RAPGEF4: variants seen among roughly 807,000 people sequenced by gnomAD.
The protein encoded by RAPGEF4 is RAP guanine-nucleotide-exchange factor (GEF) 4.
RAPGEF4 carries 66 observed loss-of-function variants against 147.9 expected under a neutral mutation model. The ratio of observed to expected loss-of-function variants is 0.45; its 90% CI spans 0.37 to 0.55. The LOEUF (loss-of-function observed/expected upper bound fraction) is 0.55. Among genes scored for constraint, RAPGEF4 ranks in the 20% least tolerant of loss-of-function variants. The probability of loss-of-function intolerance (pLI) is 0.00; values close to 1 mark genes in which losing one functional copy is unlikely to be tolerated. For synonymous variants in RAPGEF4, 419 were observed against 442.7 expected, an observed-to-expected ratio of 0.95 and a Z score of 0.67; for missense variants, 1,071 against 1,257.3, an observed-to-expected ratio of 0.85 and a Z score of 2.24.
At chr2:172,990,468 G>A (rs180755271) in intron 14 of RAPGEF4, among the ~76,000 whole-genome samples, 1 of 152,318 alleles carries the variant, frequency 6.6e-6, no homozygotes, top group African/African-American at 2.4e-5. Flanking sequence ...CTTTGCTGAA[G>A]CTGCTTGCTA....
At chr2:173,030,310 C>G (rs568076148) in intron 26 of RAPGEF4, 56 bp downstream of exon 26, 66 of 1,344,880 alleles carry the variant, frequency 4.9e-5, no homozygotes, top group Non-Finnish European at 6.8e-5. Flanking sequence ...AAAACACAGG[C>G]TCACCAGTGA....
chr2:172,748,763 C>T (rs1695000972), intron 1 of RAPGEF4, among the ~76,000 whole-genome samples: 1 of 152,212 alleles, frequency 6.6e-6, no homozygotes, highest in African/African-American at 2.4e-5. Context: ...TCCAAAGTCT[C>T]ATCTGAGACA....
intron 24 of RAPGEF4, 28 bp downstream of exon 24, chr2:173,026,725 A>T (rs1434033044): frequency 1.2e-6 from 2 of 1,610,920 alleles, no homozygotes; most frequent in African/African-American, 2.7e-5. Context: ...ATGTGTTAGT[A>T]GCTGAGATAG....
chr2:173,014,364 G>T, intron 17 of RAPGEF4, 100 bp from the exon 18 acceptor site: 1 of 1,482,330 alleles, frequency 6.7e-7, no homozygotes, highest in Non-Finnish European at 9.3e-7. Context: ...CCATCTAAAA[G>T]CCTGGCTTTC....
At chr2:172,896,020 AAGAG>A (rs1286426629) in intron 4 of RAPGEF4, among the ~76,000 whole-genome samples, 1 of 152,208 alleles carries the variant, frequency 6.6e-6, no homozygotes, top group Non-Finnish European at 1.5e-5. Flanking sequence ...AGCAGTGAAA[AAGAG>A]AGATCATAAA....
At position 172,983,529 on chromosome 2, in the gene RAPGEF4, T is replaced by A; in HGVS notation, c.1038T>A (p.Ile346=). The change falls in exon 11 of 31, where the codon ATT becomes ATA. Residue 346 remains isoleucine (I), a synonymous_variant. Coordinates refer to ENST00000397081, the MANE Select transcript of RAPGEF4 (RefSeq NM_007023.4). ...PGQRTVDDLE[I]IYEELLHIKA... is the part of the protein sequence containing the mutation. ...AGAGGACTGTGGATGACCTAGAGATTATCTATGAGGAGCTTCTTCATATTA... is the reference window on the plus strand; with the variant it reads ...AGAGGACTGTGGATGACCTAGAGATAATCTATGAGGAGCTTCTTCATATTA... 1 of 1,613,600 alleles carries A rather than the reference T, an allele frequency of 6.2e-7. No homozygotes were observed. The highest frequency in any genetic ancestry group is 1.1e-5 in the South Asian group (1 of 91,068).
intron 27 of RAPGEF4, among the ~76,000 whole-genome samples, chr2:173,035,511 CAAA>C (rs926764976): frequency 9.2e-5 from 6 of 65,440 alleles, no homozygotes; most frequent in Admixed American, 1.7e-4. Flanking sequence ...ACTCTGTCTC[CAAA>C]AAAAAAAAAA....
In RAPGEF4 at chr2:173,018,800, G is replaced by A. The variant is rs1413114740; in HGVS notation, c.2153G>A (p.Gly718Glu). ...GLIIVKMSSGGEKVVLKPNDV... is the reference protein window; with the variant it reads ...GLIIVKMSSGEEKVVLKPNDV... ...ATCATAGTCAAGATGAGTTCCGGAG[G>A]AGGTAACAGTCTTAATTCATATTTT... is the stretch of plus-strand genomic sequence containing the variant. The change falls in exon 22 of 31, where the codon GGA (glycine) becomes GAA (glutamate). Residue 718 changes from glycine to glutamate, a missense_variant and splice_region_variant. Transcript: ENST00000397081. 2.5e-6 allele frequency: 4 copies of A among 1,613,126 alleles called. No homozygotes were observed. The highest frequency in any genetic ancestry group is 3.4e-6 in the Non-Finnish European group (4 of 1,179,750).
chr2:172,862,743 G>T (rs563592963), intron 4 of RAPGEF4, among the ~76,000 whole-genome samples: 1 of 152,208 alleles, frequency 6.6e-6, no homozygotes, highest in Admixed American at 6.5e-5. Flanking sequence ...AAGTTAGGTG[G>T]TTTGGGACAA....
At chr2:173,027,790 C>A (rs1289151785) in intron 25 of RAPGEF4, among the ~76,000 whole-genome samples, 2 of 152,174 alleles carry the variant, frequency 1.3e-5, no homozygotes, top group African/African-American at 4.8e-5. Flanking sequence ...TATTAAACAG[C>A]ACTTCATGGG....
chr2:172,928,852 G>T (rs1385601314), intron 6 of RAPGEF4, among the ~76,000 whole-genome samples: 2 of 152,134 alleles, frequency 1.3e-5, no homozygotes, highest in African/African-American at 4.8e-5. Context: ...TTTCTCTTTG[G>T]CCAACAGCTT....
chr2:172,942,089 T>G (rs1488709629), intron 6 of RAPGEF4, among the ~76,000 whole-genome samples: 1 of 151,840 alleles, frequency 6.6e-6, no homozygotes, highest in Non-Finnish European at 1.5e-5. Context: ...GTATACAATG[T>G]GGAATGATTA....
chr2:172,978,477 C>T (rs1172893409), intron 10 of RAPGEF4, among the ~76,000 whole-genome samples: 1 of 152,240 alleles, frequency 6.6e-6, no homozygotes, highest in Non-Finnish European at 1.5e-5. Context: ...TGCTCACCCT[C>T]AGTCCTCCTG....
intron 4 of RAPGEF4, among the ~76,000 whole-genome samples, chr2:172,836,652 A>G (rs1272787847): frequency 1.3e-5 from 2 of 152,248 alleles, no homozygotes; most frequent in East Asian, 3.8e-4. Context: ...ACAGGAGACC[A>G]GTCAGGCCAT....
rs779506796 is a variant in RAPGEF4 at position 172,988,673 on chromosome 2, G to A, written c.1228-20G>A. The A allele has an allele frequency of 2.5e-6, 4 of 1,603,940 alleles. No homozygotes were observed. The highest frequency in any genetic ancestry group is 2.7e-5 in the African/African-American group (2 of 74,680). On this transcript the variant is annotated intron_variant, in intron 13 of 30. Transcript: ENST00000397081. ...TCTATTTCAGGGATCTTCTTCATCTGTGTGCTCTACTCTATCCAGGGTGTG... is the reference window on the plus strand; with the variant it reads ...TCTATTTCAGGGATCTTCTTCATCTATGTGCTCTACTCTATCCAGGGTGTG...
intron 4 of RAPGEF4, among the ~76,000 whole-genome samples, chr2:172,877,951 G>C (rs754353526): frequency 3.9e-5 from 6 of 152,158 alleles, no homozygotes; most frequent in Non-Finnish European, 8.8e-5. Context: ...TAAGATGATT[G>C]CTAAGAATAG....
intron 4 of RAPGEF4, among the ~76,000 whole-genome samples, chr2:172,859,555 G>A (rs915762639): frequency 1.3e-5 from 2 of 152,132 alleles, no homozygotes; most frequent in Non-Finnish European, 2.9e-5. Flanking sequence ...AATTTTTATA[G>A]CATTTTATTC....
rs16861145 is a variant in RAPGEF4, at chr2:173,007,615, A to G, written c.1658+6271A>G. Among the ~76,000 whole-genome samples the G allele has an allele frequency of 5.0e-3, 767 of 152,330 alleles. 10 individuals carry two copies. The highest frequency in any genetic ancestry group is 0.017 in the African/African-American group (715 of 41,580). ...TTATCTCATTTCATCCTTGACAGCA[A>G]TCTTATGAAGTTTACTGATGAGGAA... On this transcript the variant is annotated intron_variant, in intron 17 of 30. Coordinates refer to ENST00000397081, the MANE Select transcript of RAPGEF4 (RefSeq NM_007023.4).
At chr2:172,752,123 G>A (rs1157627375) in intron 1 of RAPGEF4, among the ~76,000 whole-genome samples, 1 of 8,940 alleles carries the variant, frequency 1.1e-4, no homozygotes, top group Non-Finnish European at 1.4e-3. Context: ...TTTGATCATG[G>A]ATGCTGATGA....
Sources: allele counts gnomAD v4.1 joint callset (sites outside exome capture counted in the v4.1 genomes callset), GRCh38; gene constraint gnomAD v4.1.1; transcripts MANE v1.5; gene names NCBI Gene and HGNC (gene_info 2026-07-23, HGNC 2026-07-21).